GRIN2D: variants seen among roughly 807,000 people sequenced by gnomAD.
GRIN2D encodes glutamate ionotropic receptor NMDA type subunit 2D.
GRIN2D carries 37 observed loss-of-function variants against 103.2 expected under a neutral mutation model. The ratio of observed to expected loss-of-function variants is 0.36; its 90% confidence interval spans 0.28 to 0.47. The LOEUF (loss-of-function observed/expected upper bound fraction) is 0.47, where lower values mean the gene tolerates loss of function less well. GRIN2D is among the 20% of genes least tolerant of loss of function. The probability of loss-of-function intolerance (pLI) is 1.00; values close to 1 mark genes in which losing one functional copy is unlikely to be tolerated. For synonymous variants in GRIN2D, 845 were observed against 885.6 expected, an observed-to-expected ratio of 0.95 and a Z score of 0.81; for missense variants, 1,557 against 1,910.6, an observed-to-expected ratio of 0.81 and a Z score of 3.45.
rs1290048716 is a variant in GRIN2D, at chr19:48,414,816, T to C, written c.1413-48T>C. The C allele has an allele frequency of 6.3e-7, 1 of 1,591,874 alleles. No individual in the cohort carries two copies. Among genetic ancestry groups the C allele is most frequent in the Admixed American group, 1.7e-5 (1 of 58,218 alleles). The stretch of plus-strand genomic sequence containing the variant: ...TCCATATCCTCTCTTCATGAGAGAG[T>C]CTAAGGAGGGGGTCCCCAAACTCCC... On this transcript the variant is annotated intron_variant, in intron 6 of 13. Coordinates refer to ENST00000263269, the MANE Select transcript of GRIN2D (RefSeq NM_000836.4). This position sits in a 1 kb window ranked among gnomAD's most constrained non-coding sequence, Gnocchi z 4.6.
intron 4 of GRIN2D, among the ~76,000 whole-genome samples, chr19:48,413,058 C>T (rs1409111776): frequency 1.4e-5 from 2 of 145,058 alleles, no homozygotes; most frequent in African/African-American, 2.6e-5. Context: ...ATTGCTTGAA[C>T]CCGGGAGGCG....
chr19:48,417,036 C>T (rs1283357747), intron 8 of GRIN2D, among the ~76,000 whole-genome samples: 1 of 152,152 alleles, frequency 6.6e-6, no homozygotes, highest in East Asian at 1.9e-4. Context: ...TGAGCCACTG[C>T]ACCCGGACAA....
intron 4 of GRIN2D, among the ~76,000 whole-genome samples, chr19:48,410,385 G>C (rs972519893): frequency 2.0e-5 from 3 of 151,476 alleles, no homozygotes; most frequent in African/African-American, 7.3e-5. Flanking sequence ...CAAATTAGCT[G>C]GACATGGTGG....
At position 48,394,171 on chromosome 19, in the gene GRIN2D, A is replaced by AC. The variant is rs889483189; in HGVS notation, c.-306+309dup. On this transcript the variant is annotated intron_variant, in intron 1 of 13. Transcript: ENST00000263269. The surrounding 1 kb of genome is among the most constrained non-coding windows in gnomAD (Gnocchi z 5.1). ...GCAGTGGCAGCCTGGCCCCCATTAGACCCCCCACTCTGTGTGTGTGTGTCT... is the reference window on the plus strand; with the variant it reads ...GCAGTGGCAGCCTGGCCCCCATTAGACCCCCCCACTCTGTGTGTGTGTGTCT... Among the ~76,000 whole-genome samples the AC allele has an allele frequency of 6.9e-6, 1 of 144,030 alleles. No individual in the cohort carries two copies. The highest frequency in any genetic ancestry group is 1.5e-5 in the Non-Finnish European group (1 of 65,668). The allele number at this position is 144,030 out of a possible 152,430, so 94.5% of individuals were successfully genotyped here.
chr19:48,419,405 C>G lies in GRIN2D; in HGVS notation c.1861+46C>G, dbSNP rs1426413083. ...CCCCCGCCTCGGAGATCCCGAACCA[C>G]AGAGACAGAGAACTACATTTCCCAG... On this transcript the variant is annotated intron_variant, in intron 9 of 13. Transcript: ENST00000263269. The G allele has an allele frequency of 4.4e-6, 7 of 1,573,302 alleles. No individual in the cohort carries two copies. In the Admixed American group the frequency reaches 5.8e-5, roughly 13 times the overall value.
At chr19:48,434,151 C>G (rs1034572401) in intron 11 of GRIN2D, among the ~76,000 whole-genome samples, 2 of 151,978 alleles carry the variant, frequency 1.3e-5, no homozygotes, top group Admixed American at 1.3e-4. Context: ...GGGGTTTCAC[C>G]GTGTTAGCCA....
At chr19:48,408,203 G>A (rs945671947) in intron 4 of GRIN2D, among the ~76,000 whole-genome samples, 3 of 151,624 alleles carry the variant, frequency 2.0e-5, no homozygotes, top group East Asian at 3.9e-4. Flanking sequence ...GCGTGGTGGC[G>A]GGCGCCTGTA....
chr19:48,440,777 C>T (rs1482099051), intron 11 of GRIN2D, among the ~76,000 whole-genome samples: 1 of 152,132 alleles, frequency 6.6e-6, no homozygotes, highest in African/African-American at 2.4e-5. Flanking sequence ...ACCTCTGCCT[C>T]CCAGGTTCAA....
chr19:48,396,725 G>A (rs1215455984), intron 2 of GRIN2D, among the ~76,000 whole-genome samples: 1 of 152,002 alleles, frequency 6.6e-6, no homozygotes, highest in Non-Finnish European at 1.5e-5. Flanking sequence ...GTGGTGGGCA[G>A]AGGGGACGGG....
Position 48,443,415 on chromosome 19 carries a change from CG to C in GRIN2D, c.3492del (p.Ser1165AlafsTer353). The C allele has an allele frequency of 7.1e-7, 1 of 1,405,950 alleles. No individual in the cohort carries two copies. The highest frequency in any genetic ancestry group is 3.0e-5 in the East Asian group (1 of 33,490). The allele number at this position is 1,405,950 out of a possible 1,614,324, so 87.1% of individuals were successfully genotyped here. On this transcript the variant is annotated frameshift_variant, in exon 14 of 14. Transcript: ENST00000263269. LOFTEE classifies it high-confidence loss of function. The surrounding 1 kb of genome is among the most constrained non-coding windows in gnomAD (Gnocchi z 8.9). ...SVDKLGGWRA[G>X]SWDYLPPRSG... Reference sequence around the variant, plus strand: ...TCGACAAGCTCGGGGGCTGGCGCGCCGGGAGCTGGGACTACCTGCCCCCGCG... The same window carrying C: ...TCGACAAGCTCGGGGGCTGGCGCGCCGGAGCTGGGACTACCTGCCCCCGCG...
intron 11 of GRIN2D, among the ~76,000 whole-genome samples, chr19:48,436,843 A>G (rs1351575211): frequency 2.6e-5 from 4 of 151,872 alleles, no homozygotes; most frequent in Non-Finnish European, 5.9e-5. Flanking sequence ...GGCCAGAGTG[A>G]GGGGGGGCTT....
intron 3 of GRIN2D, among the ~76,000 whole-genome samples, chr19:48,402,327 GA>G (rs890157182): frequency 5.3e-5 from 8 of 152,044 alleles, no homozygotes; most frequent in Admixed American, 1.3e-4. Flanking sequence ...ATGTGTGAGG[GA>G]AAGAAAGGGA....
At chr19:48,419,395 T>G in intron 9 of GRIN2D, 36 bp downstream of exon 9, 6 of 1,580,434 alleles carry the variant, frequency 3.8e-6, no homozygotes, top group Non-Finnish European at 5.1e-6. Flanking sequence ...GCCTCGGAGA[T>G]CCCGAACCAC....
intron 3 of GRIN2D, among the ~76,000 whole-genome samples, chr19:48,400,412 C>T (rs193096674): frequency 4.9e-4 from 74 of 152,330 alleles, no homozygotes; most frequent in African/African-American, 1.7e-3. Context: ...TGGGAAGGAC[C>T]TCTGTCCAAC....
rs10632608 is a variant in GRIN2D, at chr19:48,421,427, TAA to T, written c.2092-347_2092-346del. On this transcript the variant is annotated intron_variant, in intron 10 of 13. Transcript: ENST00000263269. The surrounding 1 kb of genome is among the most constrained non-coding windows in gnomAD (Gnocchi z 4.8). ...TGGGCAACAAGAGCAAGACTCCGTT[TAA>T]AAAAAAAAAAGTGAACTATTTCTGA... Among the ~76,000 whole-genome samples the T allele has an allele frequency of 6.8e-6, 1 of 147,282 alleles. No homozygotes were observed. The highest frequency in any genetic ancestry group is 1.5e-5 in the Non-Finnish European group (1 of 66,828).
At chr19:48,437,748 C>T (rs192697796) in intron 11 of GRIN2D, among the ~76,000 whole-genome samples, 1 of 152,268 alleles carries the variant, frequency 6.6e-6, no homozygotes, top group East Asian at 1.9e-4. Flanking sequence ...AGCACTTCAC[C>T]TTTCACCCCC....
At position 48,414,688 on chromosome 19, in the gene GRIN2D, A is replaced by G. The variant is rs1393320123; in HGVS notation, c.1412+104A>G. On this transcript the variant is annotated intron_variant, in intron 6 of 13. Transcript: ENST00000263269. The surrounding 1 kb of genome is among the most constrained non-coding windows in gnomAD (Gnocchi z 4.6). ...TCCTCCCTTGGGACCCAGGACCCAC[A>G]AAGCCCTCCAGCTTGGTGACCTTAG... 9.5e-6 allele frequency: 12 copies of G among 1,268,144 alleles called. No individual in the cohort carries two copies. Among genetic ancestry groups the G allele is most frequent in the Admixed American group, 8.9e-5 (4 of 44,988 alleles). 78.6% of individuals were successfully genotyped at this position (1,268,144 alleles called of 1,614,324 possible). A position where few individuals can be genotyped will look rare whatever the true frequency, so the allele number is the denominator to read the frequency against.
Position 48,414,256 on chromosome 19 carries a change from T to A in GRIN2D, c.1201-117T>A. On this transcript the variant is annotated intron_variant, in intron 5 of 13. Coordinates refer to ENST00000263269, the MANE Select transcript of GRIN2D (RefSeq NM_000836.4). This position sits in a 1 kb window ranked among gnomAD's most constrained non-coding sequence, Gnocchi z 4.6. ...GGGATCTGAAGGTGGGAGGGGCTCCTGGGTCTTGGAAGAAGCTGCTGCCCA... is the reference window on the plus strand; with the variant it reads ...GGGATCTGAAGGTGGGAGGGGCTCCAGGGTCTTGGAAGAAGCTGCTGCCCA... 1 of 970,846 alleles carries A rather than the reference T, an allele frequency of 1.0e-6. No homozygotes were observed. The highest frequency in any genetic ancestry group is 1.6e-6 in the Non-Finnish European group (1 of 637,096). The allele number at this position is 970,846 out of a possible 1,614,324, so 60.1% of individuals were successfully genotyped here.
chr19:48,437,105 G>A (rs1261501584), intron 11 of GRIN2D, among the ~76,000 whole-genome samples: 1 of 152,090 alleles, frequency 6.6e-6, no homozygotes, highest in Non-Finnish European at 1.5e-5. Flanking sequence ...GTAGGAAATG[G>A]CTGAGGTCTT....
Sources: gnomAD v4.1 joint callset for allele counts (sites outside exome capture counted in the v4.1 genomes callset) on GRCh38, gnomAD v4.1.1 for gene constraint, Gnocchi (gnomAD v3.1) non-coding constraint, MANE v1.5 for transcripts, NCBI Gene and HGNC (gene_info 2026-07-23, HGNC 2026-07-21) for gene names.